HMG20A: variants seen among roughly 807,000 people sequenced by gnomAD.
HMG20A encodes the protein high mobility group 20A, also known as high mobility group protein 20A.
In HMG20A, 17 loss-of-function variants were observed where a neutral mutation model predicts 43.9. That is an observed-to-expected ratio of 0.39 (90% CI 0.27 to 0.58). The LOEUF (loss-of-function observed/expected upper bound fraction) is 0.58, where lower values mean the gene tolerates loss of function less well. HMG20A is among the 20% of genes least tolerant of loss of function. HMG20A has a pLI of 0.59. For missense variants in HMG20A, 341 were observed against 438.2 expected (o/e 0.78, Z 1.98); for synonymous variants, 132 against 147.5 (o/e 0.89, Z 0.76).
intron 1 of HMG20A, among the ~76,000 whole-genome samples, chr15:77,430,874 AC>A: frequency 6.6e-6 from 1 of 152,344 alleles, no homozygotes. Flanking sequence ...AAGAAGTCTA[AC>A]ATACATATGA....
chr15:77,458,001 C>A (rs2072671705), intron 1 of HMG20A, among the ~76,000 whole-genome samples: 1 of 152,160 alleles, frequency 6.6e-6, no homozygotes, highest in African/African-American at 2.4e-5. Flanking sequence ...TGGGTTAAGT[C>A]AGCAATTTTG....
chr15:77,470,407 C>G (rs1375071547), intron 4 of HMG20A, among the ~76,000 whole-genome samples: 2 of 152,130 alleles, frequency 1.3e-5, no homozygotes, highest in Admixed American at 6.6e-5. Context: ...CTTTGTGTCT[C>G]CCAGCTTCAT....
At position 77,471,058 on chromosome 15, in the gene HMG20A, C is replaced by A. The variant is rs376301514; in HGVS notation, c.583+16C>A. The A allele has an allele frequency of 1.6e-5, 26 of 1,604,528 alleles. No individual in the cohort carries two copies. The African/African-American group carries it at 3.1e-4, about 19-fold the overall frequency. Reference sequence around the variant, plus strand: ...CATAGGCAAGGTATCAAAACCAGAACCAAATGTATTTGTAGTTTGTTGTGG... The same window carrying A: ...CATAGGCAAGGTATCAAAACCAGAAACAAATGTATTTGTAGTTTGTTGTGG... On this transcript the variant is annotated intron_variant, in intron 5 of 9. Coordinates refer to ENST00000336216, the MANE Select transcript of HMG20A (RefSeq NM_001304504.2).
At chr15:77,443,376 G>GATTATT (rs1491110236) in intron 1 of HMG20A, among the ~76,000 whole-genome samples, 2,847 of 121,086 alleles carry the variant, frequency 0.024, 46 homozygotes, top group Middle Eastern at 0.026. Context: ...TGATGATGAT[G>GATTATT]ATGATTATTA....
chr15:77,484,527 C>G lies in HMG20A; in HGVS notation c.*1564C>G, dbSNP rs1004266081. The G allele has an allele frequency of 1.3e-5, 2 of 152,432 alleles. No individual in the cohort carries two copies. Among genetic ancestry groups the G allele is most frequent in the African/African-American group, 4.8e-5 (2 of 41,440 alleles). 9.4% of individuals were successfully genotyped at this position (152,432 alleles called of 1,614,324 possible). ...CAGAACTACCTGTCATGTTGCTACA[C>G]CATCCTGTCTTCTCAGCATCTCCTT... On this transcript the variant is annotated 3_prime_UTR_variant, in exon 10 of 10. Transcript: ENST00000336216.
intron 2 of HMG20A, among the ~76,000 whole-genome samples, chr15:77,463,925 A>G (rs1039077830): frequency 3.3e-5 from 5 of 152,210 alleles, no homozygotes; most frequent in African/African-American, 1.2e-4. Context: ...GTAGCATGTA[A>G]AAGTCAGATT....
intron 1 of HMG20A, among the ~76,000 whole-genome samples, chr15:77,434,796 G>A (rs568182575): frequency 9.9e-5 from 15 of 151,958 alleles, no homozygotes; most frequent in Admixed American, 2.0e-4. Flanking sequence ...TGGTAGGTGT[G>A]TGTATTTTTA....
intron 2 of HMG20A, among the ~76,000 whole-genome samples, chr15:77,461,203 A>C (rs935643218): frequency 6.6e-6 from 1 of 152,152 alleles, no homozygotes; most frequent in Admixed American, 6.5e-5. Flanking sequence ...TGGATTTAGC[A>C]TGGGTGTCAT....
intron 1 of HMG20A, among the ~76,000 whole-genome samples, chr15:77,422,391 G>T (rs2073374110): frequency 6.6e-6 from 1 of 152,184 alleles, no homozygotes; most frequent in Non-Finnish European, 1.5e-5. Flanking sequence ...GCCTAGGCGG[G>T]CAGATCACGA....
At chr15:77,506,729 G>C in the HMG20A span, among the ~76,000 whole-genome samples, 3 of 152,244 alleles carry the variant, frequency 2.0e-5, no homozygotes, top group Non-Finnish European at 2.9e-5. Flanking sequence ...GGTGTGACCT[G>C]TTCCAGCCAA....
chr15:77,501,528 G>A, the HMG20A span, among the ~76,000 whole-genome samples: 1 of 152,196 alleles, frequency 6.6e-6, no homozygotes, highest in South Asian at 2.1e-4. Flanking sequence ...GAACCTCAGA[G>A]CTCCGACCTG....
intron 2 of HMG20A, among the ~76,000 whole-genome samples, chr15:77,462,496 T>C (rs1431478392): frequency 6.6e-6 from 1 of 152,198 alleles, no homozygotes; most frequent in Non-Finnish European, 1.5e-5. Context: ...TGCCCTTTTG[T>C]TCCACTTCTG....
intron 1 of HMG20A, among the ~76,000 whole-genome samples, chr15:77,443,910 C>G (rs142122002): frequency 1.3e-5 from 2 of 152,082 alleles, no homozygotes; most frequent in East Asian, 3.9e-4. Flanking sequence ...GGGGTTTCGC[C>G]ATGTTGCCCC....
intron 2 of HMG20A, among the ~76,000 whole-genome samples, chr15:77,462,980 C>G (rs2072719515): frequency 6.6e-6 from 1 of 152,012 alleles, no homozygotes; most frequent in Non-Finnish European, 1.5e-5. Context: ...CCATGTTGGC[C>G]AGGCTGGCTT....
intron 1 of HMG20A, among the ~76,000 whole-genome samples, chr15:77,443,352 T>TGATG (rs2073634161): frequency 1.4e-5 from 2 of 141,778 alleles, no homozygotes; most frequent in Non-Finnish European, 3.0e-5. Flanking sequence ...ATCTATTTTT[T>TGATG]ATGATGATGA....
At chr15:77,476,573 G>A (rs868175611) in intron 6 of HMG20A, among the ~76,000 whole-genome samples, 1 of 151,330 alleles carries the variant, frequency 6.6e-6, no homozygotes, top group Non-Finnish European at 1.5e-5. Context: ...TTGTTTATAG[G>A]AATGAAATCT....
intron 1 of HMG20A, among the ~76,000 whole-genome samples, chr15:77,442,836 AT>A (rs547368776): frequency 6.7e-6 from 1 of 150,272 alleles, no homozygotes; most frequent in African/African-American, 2.5e-5. Flanking sequence ...GTGTAGCCAT[AT>A]TTTTTTTACA....
At chr15:77,448,610 T>G (rs1351900335) in intron 1 of HMG20A, among the ~76,000 whole-genome samples, 1 of 152,208 alleles carries the variant, frequency 6.6e-6, no homozygotes, top group Non-Finnish European at 1.5e-5. Context: ...TTATTTTATC[T>G]TGTTTTTTGT....
intron 1 of HMG20A, among the ~76,000 whole-genome samples, chr15:77,435,506 C>A (rs1262845745): frequency 6.6e-6 from 1 of 152,014 alleles, no homozygotes; most frequent in East Asian, 1.9e-4. Context: ...GTTGGCCAGG[C>A]TGCTCTCAAA....
Sources: allele counts gnomAD v4.1 joint callset (sites outside exome capture counted in the v4.1 genomes callset), GRCh38; gene constraint gnomAD v4.1.1; transcripts MANE v1.5; gene names NCBI Gene and HGNC (gene_info 2026-07-23, HGNC 2026-07-21).